NPAS3: variants seen among roughly 807,000 people sequenced by gnomAD.
NPAS3 encodes the protein neuronal PAS domain protein 3, also known as neuronal PAS domain-containing protein 3.
In NPAS3, 14 loss-of-function variants were observed where a neutral mutation model predicts 73.1. That is an observed-to-expected ratio of 0.19 (90% CI 0.13 to 0.30). The LOEUF (loss-of-function observed/expected upper bound fraction) is 0.30. Ranked by LOEUF, NPAS3 falls within the 10% of genes least tolerant of loss-of-function variation. NPAS3 has a pLI of 1.00. For synonymous variants in NPAS3, 620 were observed against 541.5 expected (o/e 1.14, Z -2.01); for missense variants, 1,096 against 1,250.0 (o/e 0.88, Z 1.86).
intron 3 of NPAS3, among the ~76,000 whole-genome samples, chr14:33,338,342 C>A (rs2044321150): frequency 6.6e-6 from 1 of 152,052 alleles, no homozygotes; most frequent in East Asian, 1.9e-4. Context: ...CTGGAGAGTT[C>A]TTTTTAAGTC....
chr14:33,349,894 G>A (rs73258832), intron 3 of NPAS3, among the ~76,000 whole-genome samples: 1,972 of 152,286 alleles, frequency 0.013, 53 homozygotes, highest in African/African-American at 0.045. Context: ...TGAAGGACAG[G>A]AAATTCTTCT....
chr14:33,212,858 A>G (rs1032252199), intron 2 of NPAS3, among the ~76,000 whole-genome samples: 9 of 152,234 alleles, frequency 5.9e-5, no homozygotes, highest in African/African-American at 1.9e-4. Flanking sequence ...AAAATTACCT[A>G]TAACATCACG....
intron 5 of NPAS3, among the ~76,000 whole-genome samples, chr14:33,604,403 A>T (rs2140012572): frequency 1.3e-5 from 2 of 152,212 alleles, no homozygotes; most frequent in Middle Eastern, 6.8e-3. Context: ...AAAGAATATA[A>T]CTATGGATAA....
At chr14:32,959,494 T>A (rs2036818583) in intron 1 of NPAS3, among the ~76,000 whole-genome samples, 1 of 152,228 alleles carries the variant, frequency 6.6e-6, no homozygotes. Flanking sequence ...ATGTTTACAT[T>A]TACGTGAGTA....
chr14:33,629,617 C>T (rs190805690), intron 5 of NPAS3, among the ~76,000 whole-genome samples: 1 of 151,508 alleles, frequency 6.6e-6, no homozygotes, highest in Admixed American at 6.6e-5. Context: ...CATATATTCT[C>T]ATTTTCTCCA....
intron 4 of NPAS3, among the ~76,000 whole-genome samples, chr14:33,511,389 G>T (rs979252788): frequency 3.3e-5 from 5 of 151,916 alleles, no homozygotes; most frequent in Admixed American, 3.3e-4. Flanking sequence ...CTTTCGGCAG[G>T]TTTCACCAGA....
chr14:33,095,272 TG>T lies in NPAS3; in HGVS notation c.140+39282del. Among the ~76,000 whole-genome samples the T allele has an allele frequency of 1.3e-5, 2 of 152,362 alleles. 1 individual carries two copies. The highest frequency in any genetic ancestry group is 4.1e-4 in the South Asian group (2 of 4,830). ...TTGTGGACGTGATCTACATTTAATC[TG>T]GGGAAATTAATTCCCTAAGCTGCTG... On this transcript the variant is annotated intron_variant, in intron 2 of 11. Transcript: ENST00000356141.
intron 1 of NPAS3, among the ~76,000 whole-genome samples, chr14:33,024,512 T>C (rs1431480904): frequency 1.3e-5 from 2 of 152,196 alleles, no homozygotes; most frequent in African/African-American, 4.8e-5. Flanking sequence ...TCCATGTCTC[T>C]AGTGGCTACC....
chr14:33,585,406 C>G (rs1328454321), intron 5 of NPAS3, among the ~76,000 whole-genome samples: 1 of 152,168 alleles, frequency 6.6e-6, no homozygotes, highest in Non-Finnish European at 1.5e-5. Context: ...GGTCCCATAT[C>G]CTGCCTTGAC....
chr14:33,220,112 C>A (rs1201054951), intron 3 of NPAS3, among the ~76,000 whole-genome samples: 1 of 152,206 alleles, frequency 6.6e-6, no homozygotes, highest in Non-Finnish European at 1.5e-5. Flanking sequence ...AAGGGAAGAA[C>A]CCAGACTGTA....
rs188070268 is a variant in NPAS3, at chr14:33,785,123, A to C, written c.1153+6551A>C. On this transcript the variant is annotated intron_variant, in intron 9 of 11. Coordinates refer to ENST00000356141, the Ensembl canonical transcript of NPAS3. ...TAACCCATTGCTCTTATAAGGCACG[A>C]TCAGAAGAAGAAAACAAAATCAATA... Among the ~76,000 whole-genome samples the C allele has an allele frequency of 9.9e-5, 15 of 151,936 alleles. No homozygotes were observed. The East Asian group carries it at 2.7e-3, about 28-fold the overall frequency.
chr14:33,351,290 A>G (rs1367266211), intron 3 of NPAS3, among the ~76,000 whole-genome samples: 1 of 152,178 alleles, frequency 6.6e-6, no homozygotes, highest in Non-Finnish European at 1.5e-5. Context: ...TGCTGCCCAG[A>G]TGGGGTCGAC....
At chr14:33,544,798 A>AT (rs1555409923) in intron 4 of NPAS3, among the ~76,000 whole-genome samples, 4 of 75,586 alleles carry the variant, frequency 5.3e-5, no homozygotes, top group African/African-American at 2.6e-4. Context: ...TTATATATAT[A>AT]TATATATATA....
intron 5 of NPAS3, among the ~76,000 whole-genome samples, chr14:33,601,294 T>A (rs910955974): frequency 2.0e-5 from 3 of 152,226 alleles, no homozygotes; most frequent in Admixed American, 2.0e-4. Flanking sequence ...TCACATCATT[T>A]TCTTGGAAAT....
intron 7 of NPAS3, among the ~76,000 whole-genome samples, chr14:33,771,783 C>A (rs2062661555): frequency 6.6e-6 from 1 of 151,998 alleles, no homozygotes; most frequent in South Asian, 2.1e-4. Context: ...TAAACTCCAG[C>A]CTGGGCGACA....
intron 2 of NPAS3, among the ~76,000 whole-genome samples, chr14:33,091,004 A>C (rs1421837806): frequency 6.6e-6 from 1 of 152,232 alleles, no homozygotes; most frequent in Non-Finnish European, 1.5e-5. Flanking sequence ...GTCGACGGAA[A>C]TTTATAGCAC....
At chr14:33,801,813 A>G (rs928459906), downstream of NPAS3, 1 of 152,464 alleles carries the variant, frequency 6.6e-6, no homozygotes, top group Admixed American at 6.5e-5. Flanking sequence ...TCATTTATTA[A>G]TCTGTAATGT....
intron 1 of NPAS3, among the ~76,000 whole-genome samples, chr14:33,011,990 C>T (rs1020992355): frequency 1.3e-4 from 19 of 151,856 alleles, no homozygotes; most frequent in Admixed American, 9.9e-4. Flanking sequence ...AGCAATAGAC[C>T]TGTTTCTCCA....
intron 6 of NPAS3, among the ~76,000 whole-genome samples, chr14:33,727,582 C>G (rs2061303288): frequency 6.7e-6 from 1 of 150,356 alleles, no homozygotes; most frequent in Admixed American, 6.6e-5. Flanking sequence ...GTCCTGATGC[C>G]CTTTGTCTGA....
Sources: allele counts gnomAD v4.1 joint callset (sites outside exome capture counted in the v4.1 genomes callset), GRCh38; gene constraint gnomAD v4.1.1; transcripts MANE v1.5; gene names NCBI Gene and HGNC (gene_info 2026-07-23, HGNC 2026-07-21).